RUNX1T1: variants seen among roughly 807,000 people sequenced by gnomAD.
RUNX1T1 encodes RUNX1 partner transcriptional co-repressor 1, also known as protein CBFA2T1.
In RUNX1T1, 4 loss-of-function variants were observed where a neutral mutation model predicts 62.8. The observed-to-expected ratio is 0.06, with a 90% CI of 0.03 to 0.15. The LOEUF (loss-of-function observed/expected upper bound fraction) is 0.15. Among genes scored for constraint, RUNX1T1 ranks in the 10% least tolerant of loss-of-function variants. The probability of loss-of-function intolerance (pLI) is 1.00; values close to 1 mark genes in which losing one functional copy is unlikely to be tolerated. For synonymous variants in RUNX1T1, 291 were observed against 286.0 expected (o/e 1.02, Z -0.18); for missense variants, 508 against 754.3 (o/e 0.67, Z 3.82).
At chr8:92,066,456 C>G (rs1832889517), upstream of RUNX1T1, among the ~76,000 whole-genome samples, 1 of 152,142 alleles carries the variant, frequency 6.6e-6, no homozygotes, top group Non-Finnish European at 1.5e-5. Context: ...TGTCAGACCC[C>G]AAAGGTTTTG....
At chr8:91,974,586 A>G (rs1005797055) in intron 9 of RUNX1T1, among the ~76,000 whole-genome samples, 2 of 152,128 alleles carry the variant, frequency 1.3e-5, no homozygotes, top group African/African-American at 2.4e-5. Context: ...AATGGAAGAG[A>G]AAAATGGTCA....
At chr8:92,028,047 C>G (rs954875408) in intron 1 of RUNX1T1, among the ~76,000 whole-genome samples, 8 of 117,734 alleles carry the variant, frequency 6.8e-5, no homozygotes, top group Admixed American at 1.2e-4. Flanking sequence ...ATTGGATGGA[C>G]GGACAGATGG....
chr8:92,101,876 G>A (rs901093456), upstream of RUNX1T1, among the ~76,000 whole-genome samples: 2 of 152,190 alleles, frequency 1.3e-5, no homozygotes, highest in Non-Finnish European at 2.9e-5. Context: ...AACCAACCCG[G>A]TCCTTTCAGG....
chr8:92,020,105 T>C (rs1240151998), intron 1 of RUNX1T1, among the ~76,000 whole-genome samples: 1 of 152,176 alleles, frequency 6.6e-6, no homozygotes, highest in East Asian at 1.9e-4. Flanking sequence ...AGTGGGACCA[T>C]ATGTAACTCA....
At chr8:92,075,262 A>G (rs1483566303) in intron 2 of RUNX1T1, among the ~76,000 whole-genome samples, 1 of 152,228 alleles carries the variant, frequency 6.6e-6, no homozygotes, top group Non-Finnish European at 1.5e-5. Context: ...GTGCTTCTGC[A>G]CAAGTCCACT....
chr8:91,995,283 A>G (rs1386623977), intron 5 of RUNX1T1, among the ~76,000 whole-genome samples: 1 of 152,188 alleles, frequency 6.6e-6, no homozygotes, highest in Non-Finnish European at 1.5e-5. Flanking sequence ...CAGTGCTATT[A>G]CTTCAATGAC....
intron 1 of RUNX1T1, among the ~76,000 whole-genome samples, chr8:92,019,848 G>A (rs975565927): frequency 6.8e-6 from 1 of 147,786 alleles, no homozygotes; most frequent in Non-Finnish European, 1.5e-5. Flanking sequence ...CACTTGTAAC[G>A]ACTCCTATCC....
At chr8:91,955,006 ATAAGG>A (rs1809142626), downstream of RUNX1T1, 1 of 198,826 alleles carries the variant, frequency 5.0e-6, no homozygotes, top group South Asian at 1.9e-4. Flanking sequence ...TCACCTTGGA[ATAAGG>A]GTATAGACAC....
intron 8 of RUNX1T1, among the ~76,000 whole-genome samples, chr8:91,984,846 T>C (rs190764780): frequency 6.6e-6 from 1 of 152,356 alleles, no homozygotes; most frequent in East Asian, 1.9e-4. Context: ...CTTGCCTTAA[T>C]GTGACCTGAC....
intron 1 of RUNX1T1, among the ~76,000 whole-genome samples, chr8:92,049,112 A>C (rs1362931585): frequency 6.6e-6 from 1 of 151,966 alleles, no homozygotes; most frequent in African/African-American, 2.4e-5. Context: ...ATACTACCTA[A>C]GTCTCTGTAT....
intron 1 of RUNX1T1, among the ~76,000 whole-genome samples, chr8:92,025,335 C>G (rs1465215290): frequency 2.0e-5 from 3 of 152,184 alleles, no homozygotes; most frequent in Non-Finnish European, 2.9e-5. Flanking sequence ...TGTGACCCAT[C>G]TGGTTCCTGC....
chr8:92,016,633 C>T (rs955678663), intron 2 of RUNX1T1, among the ~76,000 whole-genome samples: 1 of 152,114 alleles, frequency 6.6e-6, no homozygotes, highest in East Asian at 1.9e-4. Context: ...TGAGATCGTG[C>T]CACTGCACTC....
At chr8:91,959,412 TTGTGTGTGTGTGTGTGTGTGTGTGTGTG>T (rs56037232) in exon 11 of RUNX1T1, 9 of 139,490 alleles carry the variant, frequency 6.5e-5, no homozygotes, top group African/African-American at 9.5e-5. Context: ...AGTCTCTTAC[TTGTGTGTGTGTGTGTGTGTGTGTGTGTG>T]TGTGTGTGTG....
At position 92,072,526 on chromosome 8, in the gene RUNX1T1, T is replaced by C. The variant is rs183912953; in HGVS notation, c.88+3439A>G. Among the ~76,000 whole-genome samples, 443 of 152,350 alleles carry C rather than the reference T, an allele frequency of 2.9e-3. 1 individual carries two copies. Among genetic ancestry groups the C allele is most frequent in the African/African-American group, 9.9e-3 (411 of 41,586 alleles). ...AAAATCCATACAGTAAAATATTGGCTGAAAGAGACAGAGACCAAAAGAGAG... is the reference window on the plus strand; with the variant it reads ...AAAATCCATACAGTAAAATATTGGCCGAAAGAGACAGAGACCAAAAGAGAG... On this transcript the variant is annotated intron_variant, in intron 2 of 11. Transcript: ENST00000265814.
At chr8:92,062,680 C>T (rs1455449550) in exon 1 of RUNX1T1, 36 of 1,589,476 alleles carry the variant, frequency 2.3e-5, no homozygotes, top group Non-Finnish European at 2.8e-5. Context: ...GGGGCGGCAT[C>T]GCCGGAGGCA....
intron 5 of RUNX1T1, among the ~76,000 whole-genome samples, chr8:91,996,710 TAAC>T (rs1159124945): frequency 2.6e-5 from 4 of 151,980 alleles, no homozygotes; most frequent in Non-Finnish European, 4.4e-5. Flanking sequence ...GAAATGGGAC[TAAC>T]AAATTAAGAG....
chr8:91,979,247 T>C (rs1303046590), intron 8 of RUNX1T1, among the ~76,000 whole-genome samples: 1 of 152,172 alleles, frequency 6.6e-6, no homozygotes, highest in African/African-American at 2.4e-5. Context: ...TCAAAATCTA[T>C]ATAGGGAAAA....
intron 1 of RUNX1T1, among the ~76,000 whole-genome samples, chr8:92,033,851 T>TC (rs1826739201): frequency 1.3e-5 from 2 of 151,924 alleles, no homozygotes; most frequent in Non-Finnish European, 2.9e-5. Flanking sequence ...GCTCCTGTAG[T>TC]CCCAGCTACT....
intron 10 of RUNX1T1, among the ~76,000 whole-genome samples, chr8:91,967,110 AC>A (rs1186490198): frequency 2.0e-5 from 3 of 152,196 alleles, no homozygotes; most frequent in African/African-American, 7.2e-5. Context: ...AACACTACCT[AC>A]TTTGTCAGAG....
Sources: allele counts gnomAD v4.1 joint callset (sites outside exome capture counted in the v4.1 genomes callset), GRCh38; gene constraint gnomAD v4.1.1; transcripts MANE v1.5; gene names NCBI Gene and HGNC (gene_info 2026-07-23, HGNC 2026-07-21).